The following PLXDC2 variants were observed in gnomAD, a reference collection of about 807,000 sequenced individuals.
PLXDC2 encodes the protein plexin domain containing 2.
A neutral mutation model predicts 68.9 loss-of-function variants in PLXDC2; 40 were observed. That is an observed-to-expected ratio of 0.58 (90% confidence interval 0.45 to 0.76). The LOEUF (loss-of-function observed/expected upper bound fraction) is 0.76. Ranked by LOEUF, PLXDC2 falls within the 30% of genes least tolerant of loss-of-function variation. The pLI is 0.00. For missense variants in PLXDC2, 644 were observed against 661.9 expected, an observed-to-expected ratio of 0.97 and a Z score of 0.30; for synonymous variants, 243 against 234.2, an observed-to-expected ratio of 1.04 and a Z score of -0.34.
chr10:19,917,589 C>T (rs1415937039), intron 1 of PLXDC2, among the ~76,000 whole-genome samples: 3 of 152,130 alleles, frequency 2.0e-5, no homozygotes, highest in South Asian at 4.1e-4. Context: ...GGATTTTAAG[C>T]ACATATGTTC....
chr10:20,174,537 T>A (rs1273240715), intron 7 of PLXDC2, among the ~76,000 whole-genome samples: 1 of 152,122 alleles, frequency 6.6e-6, no homozygotes, highest in East Asian at 1.9e-4. Context: ...CAAAAGGGTT[T>A]GCTTCGACCC....
intron 2 of PLXDC2, among the ~76,000 whole-genome samples, chr10:20,005,790 C>T (rs954418305): frequency 2.0e-5 from 3 of 152,144 alleles, no homozygotes; most frequent in African/African-American, 7.2e-5. Context: ...TCAGACACCT[C>T]CCACCAGGCC....
chr10:20,187,261 T>G (rs1834697944), intron 9 of PLXDC2, among the ~76,000 whole-genome samples: 1 of 151,880 alleles, frequency 6.6e-6, no homozygotes, highest in Non-Finnish European at 1.5e-5. Flanking sequence ...CCTCTAGATA[T>G]ATCAGATTCT....
At chr10:19,896,813 G>A (rs1449790620) in intron 1 of PLXDC2, among the ~76,000 whole-genome samples, 1 of 152,086 alleles carries the variant, frequency 6.6e-6, no homozygotes, top group East Asian at 1.9e-4. Context: ...TTGGGTCTTT[G>A]GTCAAGTCTC....
At chr10:19,965,621 C>A (rs1180759849) in intron 1 of PLXDC2, among the ~76,000 whole-genome samples, 3 of 151,728 alleles carry the variant, frequency 2.0e-5, no homozygotes, top group African/African-American at 4.8e-5. Flanking sequence ...CTAGCACATA[C>A]CTTGGCTTCT....
intron 1 of PLXDC2, among the ~76,000 whole-genome samples, chr10:19,910,166 TTTTATA>T (rs1385904717): frequency 2.9e-5 from 2 of 69,672 alleles, no homozygotes; most frequent in Non-Finnish European, 2.7e-5. Flanking sequence ...AATTGTACAC[TTTTATA>T]TATATATATA....
At chr10:19,917,594 A>G (rs1833391916) in intron 1 of PLXDC2, among the ~76,000 whole-genome samples, 1 of 152,126 alleles carries the variant, frequency 6.6e-6, no homozygotes, top group African/African-American at 2.4e-5. Context: ...TTAAGCACAT[A>G]TGTTCAGTCT....
chr10:20,113,309 CTT>C (rs969322278), intron 4 of PLXDC2, among the ~76,000 whole-genome samples: 12 of 152,180 alleles, frequency 7.9e-5, no homozygotes, highest in African/African-American at 2.9e-4. Flanking sequence ...ATTGGGTTAA[CTT>C]TTACTCTAAA....
intron 13 of PLXDC2, among the ~76,000 whole-genome samples, chr10:20,261,509 A>T (rs2119366218): frequency 6.6e-6 from 1 of 152,314 alleles, no homozygotes; most frequent in East Asian, 1.9e-4. Flanking sequence ...TCACACAAAA[A>T]TGAGCAAAAG....
chr10:19,932,326 CA>C (rs1833652055), intron 1 of PLXDC2, among the ~76,000 whole-genome samples: 1 of 152,174 alleles, frequency 6.6e-6, no homozygotes, highest in African/African-American at 2.4e-5. Context: ...TCTTGGCACA[CA>C]TGTGGCTTTT....
In PLXDC2 at chr10:19,852,818, T is replaced by C. The variant is rs976454044; in HGVS notation, c.112+35627T>C. On this transcript the variant is annotated intron_variant, in intron 1 of 13. Transcript: ENST00000377252. ...CAAGACGCTTCTGAGGTGAGAACGT[T>C]ACCACAAGTCAATTATTAAGTAAAG... Among the ~76,000 whole-genome samples, 5 of 152,326 alleles carry C rather than the reference T, an allele frequency of 3.3e-5. No individual in the cohort carries two copies. The East Asian group carries it at 9.6e-4, about 29-fold the overall frequency.
chr10:20,156,423 T>C (rs546957652), intron 6 of PLXDC2, among the ~76,000 whole-genome samples: 1 of 152,330 alleles, frequency 6.6e-6, no homozygotes, highest in East Asian at 1.9e-4. Context: ...GTGCGTTTTT[T>C]CCTTGAGGAC....
chr10:20,196,115 C>A (rs1834833832), intron 9 of PLXDC2, among the ~76,000 whole-genome samples: 1 of 152,150 alleles, frequency 6.6e-6, no homozygotes, highest in Non-Finnish European at 1.5e-5. Context: ...TTTGCTTTGG[C>A]AGCTCACAGC....
At chr10:20,167,191 T>A (rs1834387263) in intron 7 of PLXDC2, among the ~76,000 whole-genome samples, 1 of 152,180 alleles carries the variant, frequency 6.6e-6, no homozygotes, top group South Asian at 2.1e-4. Flanking sequence ...ATGTTCTACT[T>A]AAAAATCATT....
At chr10:19,925,804 A>T (rs1460624427) in intron 1 of PLXDC2, among the ~76,000 whole-genome samples, 1 of 152,190 alleles carries the variant, frequency 6.6e-6, no homozygotes, top group East Asian at 1.9e-4. Context: ...GACAATACTT[A>T]GGTGAGGAAT....
intron 1 of PLXDC2, among the ~76,000 whole-genome samples, chr10:19,827,565 T>TTTTTC (rs1491158334): frequency 1.5e-4 from 2 of 13,616 alleles, no homozygotes; most frequent in African/African-American, 2.4e-3. Context: ...TTTCTTTTTC[T>TTTTTC]TTTTTTTTTT....
At chr10:19,960,758 A>G (rs1336709193) in intron 1 of PLXDC2, among the ~76,000 whole-genome samples, 1 of 152,188 alleles carries the variant, frequency 6.6e-6, no homozygotes, top group East Asian at 1.9e-4. Flanking sequence ...CTTCCATATT[A>G]CAATAAACAT....
intron 1 of PLXDC2, among the ~76,000 whole-genome samples, chr10:19,887,527 C>G (rs1281143107): frequency 6.6e-6 from 1 of 151,696 alleles, no homozygotes; most frequent in Non-Finnish European, 1.5e-5. Context: ...ATCTCAAAAA[C>G]AAAAACAAAA....
chr10:20,281,775 A>G lies in PLXDC2; in HGVS notation c.*1956A>G, dbSNP rs2255279. On this transcript the variant is annotated 3_prime_UTR_variant, in exon 14 of 14. Coordinates refer to ENST00000377252, the MANE Select transcript of PLXDC2 (RefSeq NM_032812.9). Reference sequence around the variant, plus strand: ...GTGGAGCAGGTTTGGTGAGACAGCAATAACCAAATGACATGCCAATATTAC... The same window carrying G: ...GTGGAGCAGGTTTGGTGAGACAGCAGTAACCAAATGACATGCCAATATTAC... The G allele has an allele frequency of 0.85, 129,555 of 152,072 alleles. 55,638 individuals are homozygous for G. Among genetic ancestry groups the G allele is most frequent in the Middle Eastern group, 0.94 (276 of 294 alleles). The allele number at this position is 152,072 out of a possible 1,614,324, so 9.4% of individuals were successfully genotyped here.
Sources: gnomAD v4.1 joint callset for allele counts (sites outside exome capture counted in the v4.1 genomes callset) on GRCh38, gnomAD v4.1.1 for gene constraint, MANE v1.5 for transcripts, NCBI Gene and HGNC (gene_info 2026-07-23, HGNC 2026-07-21) for gene names.